Variants in KCNN3 observed in about 807,000 individuals in gnomAD.
KCNN3 encodes potassium calcium-activated channel subfamily N member 3.
Under a neutral mutation model 62.9 loss-of-function variants are expected in KCNN3, and 16 were observed. The observed-to-expected ratio is 0.25, with a 90% confidence interval of 0.17 to 0.39. The LOEUF is 0.39. Among genes scored for constraint, KCNN3 ranks in the 10% least tolerant of loss-of-function variants. The pLI, the probability that KCNN3 is intolerant of heterozygous loss-of-function variation, is 1.00. For missense variants in KCNN3, 599 were observed against 949.4 expected, an observed-to-expected ratio of 0.63 and a Z score of 4.85; for synonymous variants, 370 against 389.2, an observed-to-expected ratio of 0.95 and a Z score of 0.58.
rs1436262907 is a variant in KCNN3, at chr1:154,712,338, C to G, written c.1899+1126G>C. Among the ~76,000 whole-genome samples, 3 of 152,262 alleles carry G rather than the reference C, an allele frequency of 2.0e-5. No individual in the cohort carries two copies. The South Asian group carries it at 6.2e-4, about 32-fold the overall frequency. Reference sequence around the variant, plus strand: ...TCTCCTGCATGCCCACGTTCCACTCCCACCCCAGGCTCCTAGGAACCACCC... The same window carrying G: ...TCTCCTGCATGCCCACGTTCCACTCGCACCCCAGGCTCCTAGGAACCACCC... On this transcript the variant is annotated intron_variant, in intron 7 of 7. Transcript: ENST00000271915.
chr1:154,715,325 A>G (rs1042435876), intron 5 of KCNN3, among the ~76,000 whole-genome samples: 1 of 151,280 alleles, frequency 6.6e-6, no homozygotes, highest in African/African-American at 2.4e-5. Context: ...AGTACCAGCT[A>G]CTTTGGAGAC....
In KCNN3 at chr1:154,869,692, G is replaced by C; in HGVS notation, c.273C>G (p.Leu91=). The change falls in exon 1 of 8, where the codon CTC becomes CTG. Residue 91 remains leucine, a synonymous_variant. Transcript: ENST00000271915. This position sits in a 1 kb window ranked among gnomAD's most constrained non-coding sequence, Gnocchi z 6.1. ...PPHPLSQLAQ[L]QSQPVHPGLL... ...GGCCAGGGTGGACGGGCTGGCTCTGGAGTTGGGCGAGCTGAGACAGGGGAT... is the reference window on the plus strand; with the variant it reads ...GGCCAGGGTGGACGGGCTGGCTCTGCAGTTGGGCGAGCTGAGACAGGGGAT... 1.3e-6 allele frequency: 2 copies of C among 1,583,908 alleles called. No homozygotes were observed. The highest frequency in any genetic ancestry group is 1.7e-6 in the Non-Finnish European group (2 of 1,165,772).
intron 1 of KCNN3, among the ~76,000 whole-genome samples, chr1:154,857,818 G>A (rs1407617816): frequency 6.6e-6 from 1 of 152,156 alleles, no homozygotes; most frequent in Non-Finnish European, 1.5e-5. Flanking sequence ...CACATAGTAG[G>A]CCCTTAATAA....
At position 154,725,973 on chromosome 1, in the gene KCNN3, G is replaced by A; in HGVS notation, c.1644C>T (p.Leu548=). 9 of 1,614,188 alleles carry A rather than the reference G, an allele frequency of 5.6e-6. No individual in the cohort carries two copies. Among genetic ancestry groups the A allele is most frequent in the Non-Finnish European group, 7.6e-6 (9 of 1,180,018 alleles). The change falls in exon 5 of 8, where the codon CTC becomes CTT. Residue 548 remains leucine, a synonymous_variant. Coordinates refer to ENST00000271915, the MANE Select transcript of KCNN3 (RefSeq NM_002249.6). ...VVAVVARKLE[L]TKAEKHVHNF... ...TATGAACGTGCTTCTCCGCTTTGGTGAGTTCCAGCTTTCGGGCCACCACGG... is the reference window on the plus strand; with the variant it reads ...TATGAACGTGCTTCTCCGCTTTGGTAAGTTCCAGCTTTCGGGCCACCACGG...
At chr1:154,815,171 CAATGAAGGTATTTCT>C (rs1650610529) in intron 2 of KCNN3, among the ~76,000 whole-genome samples, 3 of 152,108 alleles carry the variant, frequency 2.0e-5, no homozygotes, top group Admixed American at 6.5e-5. Context: ...CTCGGAGGTT[CAATGAAGGTATTTCT>C]AATTCATCAA....
chr1:154,847,123 G>T (rs539031789), intron 1 of KCNN3, among the ~76,000 whole-genome samples: 1 of 151,506 alleles, frequency 6.6e-6, no homozygotes, highest in Non-Finnish European at 1.5e-5. Flanking sequence ...TCACTTGTCC[G>T]CCAAGCATCT....
intron 1 of KCNN3, among the ~76,000 whole-genome samples, chr1:154,838,687 G>A (rs553438636): frequency 2.0e-5 from 3 of 152,092 alleles, no homozygotes; most frequent in South Asian, 4.1e-4. Flanking sequence ...AGCTGCCTCC[G>A]CCTCTGCGCT....
intron 2 of KCNN3, among the ~76,000 whole-genome samples, chr1:154,816,430 A>G (rs952712734): frequency 6.6e-6 from 1 of 152,260 alleles, no homozygotes; most frequent in African/African-American, 2.4e-5. Context: ...GGGTCACAGT[A>G]GTCTCTTCAG....
chr1:154,713,502 G>T lies in KCNN3; in HGVS notation c.1861C>A (p.Leu621Met). 6.2e-7 allele frequency: 1 copy of T among 1,613,986 alleles called. No individual in the cohort carries two copies. The highest frequency in any genetic ancestry group is 8.5e-7 in the Non-Finnish European group (1 of 1,179,914). ...ACCAGAGTGTTGGCTTGGTCACTCA[G>T]CTTCCTCTGTTCCATCTTGACGCTC... ...LRSVKMEQRK[L>M]SDQANTLVDL... The change falls in exon 7 of 8, where the codon CTG (leucine) becomes ATG (methionine). Residue 621 changes from leucine to methionine, a missense_variant. This residue lies in a region of KCNN3 where 288 missense variants were observed against 557.4 expected (regional missense o/e 0.52). Transcript: ENST00000271915.
chr1:154,811,790 T>A (rs1650417162), intron 2 of KCNN3, among the ~76,000 whole-genome samples: 1 of 152,236 alleles, frequency 6.6e-6, no homozygotes, highest in African/African-American at 2.4e-5. Flanking sequence ...ATTTTCTTGA[T>A]AGCACAATGC....
At chr1:154,804,582 C>T (rs1473618421) in intron 2 of KCNN3, among the ~76,000 whole-genome samples, 1 of 152,186 alleles carries the variant, frequency 6.6e-6, no homozygotes, top group African/African-American at 2.4e-5. Flanking sequence ...GAGAACACAT[C>T]TTATTCTTTC....
chr1:154,831,633 G>C (rs966823699), intron 1 of KCNN3, among the ~76,000 whole-genome samples: 1 of 152,092 alleles, frequency 6.6e-6, no homozygotes, highest in Non-Finnish European at 1.5e-5. Context: ...ATCTAGTTCA[G>C]TGCCCCATGA....
At chr1:154,721,025 T>C (rs1298296146) in intron 5 of KCNN3, among the ~76,000 whole-genome samples, 1 of 152,136 alleles carries the variant, frequency 6.6e-6, no homozygotes, top group East Asian at 1.9e-4. Flanking sequence ...CCAGGGAAGT[T>C]AGGAGAAGGA....
chr1:154,722,835 G>A (rs1213081903), intron 5 of KCNN3, among the ~76,000 whole-genome samples: 2 of 151,770 alleles, frequency 1.3e-5, no homozygotes, highest in Admixed American at 1.3e-4. Flanking sequence ...AGATTCAAGC[G>A]ATTCTCCTGC....
intron 2 of KCNN3, among the ~76,000 whole-genome samples, chr1:154,773,249 C>T (rs2101840932): frequency 6.6e-6 from 1 of 152,290 alleles, no homozygotes; most frequent in South Asian, 2.1e-4. Flanking sequence ...TCCCTGGACA[C>T]GTGGAGTGTT....
intron 1 of KCNN3, among the ~76,000 whole-genome samples, chr1:154,855,103 A>C (rs762203855): frequency 2.6e-5 from 4 of 152,146 alleles, no homozygotes; most frequent in Non-Finnish European, 5.9e-5. Flanking sequence ...CTATAATCCC[A>C]GGTACTCAGG....
At position 154,869,866 on chromosome 1, in the gene KCNN3, C is replaced by T. The variant is rs769528792; in HGVS notation, c.99G>A (p.Gln33=). 6.3e-7 allele frequency: 1 copy of T among 1,596,434 alleles called. No individual in the cohort carries two copies. Among genetic ancestry groups the T allele is most frequent in the Non-Finnish European group, 8.5e-7 (1 of 1,171,074 alleles). The change falls in exon 1 of 8, where the codon CAG becomes CAA. Residue 33 remains glutamine (Q), a synonymous_variant. Coordinates refer to ENST00000271915, the MANE Select transcript of KCNN3 (RefSeq NM_002249.6). The surrounding 1 kb of genome is among the most constrained non-coding windows in gnomAD (Gnocchi z 6.1). Reference sequence around the variant, plus strand: ...GCTGCTGCTGCTGTTGCTGCTGCTGCTGCTGCTGCTGCTCATCCCCAGAGG... The same window carrying T: ...GCTGCTGCTGCTGTTGCTGCTGCTGTTGCTGCTGCTGCTCATCCCCAGAGG... ...CPSSGDEQQQ[Q]QQQQQQQQPP... is the part of the protein sequence containing the mutation.
intron 2 of KCNN3, among the ~76,000 whole-genome samples, chr1:154,806,325 A>G (rs975527941): frequency 2.0e-5 from 3 of 152,208 alleles, no homozygotes; most frequent in African/African-American, 7.2e-5. Flanking sequence ...TGCAGTGGTG[A>G]TCTCCTTAGC....
At chr1:154,730,825 G>A (rs147547846) in intron 4 of KCNN3, among the ~76,000 whole-genome samples, 1 of 152,256 alleles carries the variant, frequency 6.6e-6, no homozygotes, top group Non-Finnish European at 1.5e-5. Flanking sequence ...AATCCACAGG[G>A]AACAGAACGC....
Sources: allele counts gnomAD v4.1 joint callset (sites outside exome capture counted in the v4.1 genomes callset), GRCh38; gene constraint gnomAD v4.1.1; regional missense constraint gnomAD v4.1.1; non-coding constraint Gnocchi (gnomAD v3.1); transcripts MANE v1.5; gene names NCBI Gene and HGNC (gene_info 2026-07-23, HGNC 2026-07-21).